PSG8: variants seen among roughly 807,000 people sequenced by gnomAD.
PSG8 encodes pregnancy specific beta-1-glycoprotein 8, also known as pregnancy-specific beta-1-glycoprotein 8.
Under a neutral mutation model 42.5 loss-of-function variants are expected in PSG8, and 57 were observed. That is an observed-to-expected ratio of 1.34 (90% CI 1.08 to 1.67). PSG8 has a LOEUF of 1.67. PSG8 is among the 40% of genes most tolerant of loss of function. The pLI, the probability that PSG8 is intolerant of heterozygous loss-of-function variation, is 0.00. For missense variants in PSG8, 783 were observed against 518.6 expected, an observed-to-expected ratio of 1.51 and a Z score of -4.95; for synonymous variants, 280 against 196.8, an observed-to-expected ratio of 1.42 and a Z score of -3.54.
At chr19:42,761,785 A>G (rs1007352615) in intron 2 of PSG8, among the ~76,000 whole-genome samples, 1 of 149,772 alleles carries the variant, frequency 6.7e-6, no homozygotes, top group Non-Finnish European at 1.5e-5. Flanking sequence ...TGGAGTCGTT[A>G]AAATCTTTCT....
chr19:42,762,682 G>T (rs1355740553), intron 2 of PSG8, among the ~76,000 whole-genome samples: 1 of 151,992 alleles, frequency 6.6e-6, no homozygotes. Context: ...CAGGATTTCA[G>T]GTTCAGTGAT....
At position 42,765,655 on chromosome 19, in the gene PSG8, A is replaced by G. The variant is rs1483488689; in HGVS notation, c.-74T>C. The G allele has an allele frequency of 7.0e-6, 11 of 1,575,842 alleles. No homozygotes were observed. Among genetic ancestry groups the G allele is most frequent in the African/African-American group, 2.8e-5 (2 of 72,222 alleles). ...CAGAAGCTTCCTGAGCACAGCTCTC[A>G]GCAGTGCTGTCCTGCCTCCTTCTGC... On this transcript the variant is annotated 5_prime_UTR_variant, in exon 1 of 5. Transcript: ENST00000306511.
At chr19:42,753,275 C>T (rs371523500), downstream of PSG8, 100 of 779,598 alleles carry the variant, frequency 1.3e-4, 1 homozygote, top group Non-Finnish European at 2.1e-4. Flanking sequence ...TTGTCCACCT[C>T]CAGCTTATAG....
intron 2 of PSG8, among the ~76,000 whole-genome samples, chr19:42,762,746 T>C (rs533364649): frequency 5.2e-4 from 79 of 152,234 alleles, no homozygotes; most frequent in African/African-American, 1.6e-3. Context: ...CTGACTCTGA[T>C]GGTTGAGGCA....
rs1342948882 is a variant in PSG8, at chr19:42,754,312, A to T, written c.1264T>A (p.Leu422Met). ...KVSGKRIPVS[L>M]AIGI Reference sequence around the variant, plus strand: ...GACTCCACCTAAATCCCTATTGCCAAGGATACTGGGATCCGCTTACCAGAG... The same window carrying T: ...GACTCCACCTAAATCCCTATTGCCATGGATACTGGGATCCGCTTACCAGAG... The change falls in exon 5 of 5, where the codon TTG (leucine) becomes ATG (methionine). Residue 422 changes from leucine to methionine, a missense_variant. Coordinates refer to ENST00000306511, the MANE Select transcript of PSG8 (RefSeq NM_182707.3). The T allele has an allele frequency of 1.9e-6, 3 of 1,613,532 alleles. No individual in the cohort carries two copies. The highest frequency in any genetic ancestry group is 1.7e-6 in the Non-Finnish European group (2 of 1,179,728).
intron 3 of PSG8, among the ~76,000 whole-genome samples, chr19:42,756,886 A>T (rs1271891236): frequency 1.3e-5 from 2 of 151,514 alleles, no homozygotes; most frequent in Non-Finnish European, 2.9e-5. Flanking sequence ...TGTTACTGGG[A>T]TTCTGTTAGG....
rs1449691728 is a variant in PSG8, at chr19:42,758,236, T to C, written c.475A>G (p.Arg159Gly). Reference sequence around the variant, plus strand: ...AAGCTCACAGCCTCCATGGCCTCCCTGGGGTTTAATTTGCTGCTGGAGATG... The same window carrying C: ...AAGCTCACAGCCTCCATGGCCTCCCCGGGGTTTAATTTGCTGCTGGAGATG... Reference protein sequence around the residue: ...PSISSSKLNPREAMEAVSLTC... With the variant: ...PSISSSKLNPGEAMEAVSLTC... The change falls in exon 3 of 5, where the codon AGG becomes GGG. Residue 159 changes from arginine (R) to glycine (G), a missense_variant. Transcript: ENST00000306511. The C allele has an allele frequency of 3.1e-6, 5 of 1,614,020 alleles. No individual in the cohort carries two copies. Among genetic ancestry groups the C allele is most frequent in the East Asian group, 2.2e-5 (1 of 44,886 alleles).
chr19:42,754,237 G>T lies in PSG8; in HGVS notation c.*58C>A, dbSNP rs184774147. 1.3e-6 allele frequency: 2 copies of T among 1,591,962 alleles called. No homozygotes were observed. The highest frequency in any genetic ancestry group is 2.7e-5 in the African/African-American group (2 of 74,278). ...TGGGATTTGCTTGTGCCCATGGGAC[G>T]CAGGCTGGGAATAAAAATGTTTTCC... On this transcript the variant is annotated 3_prime_UTR_variant, in exon 5 of 5. Transcript: ENST00000306511.
chr19:42,764,317 G>GACCAACA (rs779253860), intron 1 of PSG8, 36 bp from the exon 2 acceptor site: 3 of 1,592,216 alleles, frequency 1.9e-6, no homozygotes, highest in Non-Finnish European at 2.6e-6. Context: ...AATATTGAGA[G>GACCAACA]CTATGTATTG....
chr19:42,762,470 A>C (rs28452845), intron 2 of PSG8, among the ~76,000 whole-genome samples: 26,788 of 151,430 alleles, frequency 0.18, 4,052 homozygotes, highest in African/African-American at 0.41. Flanking sequence ...GTGGCTAGAA[A>C]CTCCTAGGAT....
At chr19:42,757,518 G>T (rs1211605641) in intron 3 of PSG8, among the ~76,000 whole-genome samples, 2 of 152,118 alleles carry the variant, frequency 1.3e-5, no homozygotes, top group African/African-American at 4.8e-5. Context: ...GTGAGAGTCT[G>T]TGAGGCAGGA....
chr19:42,755,420 G>C (rs1238965587), intron 3 of PSG8, 154 bp from the exon 4 acceptor site: 3 of 1,409,260 alleles, frequency 2.1e-6, no homozygotes, highest in African/African-American at 1.4e-5. Context: ...GATGCATGAT[G>C]ATCTAAGGGC....
chr19:42,754,884 T>G, intron 4 of PSG8, 104 bp downstream of exon 4: 2 of 1,562,282 alleles, frequency 1.3e-6, no homozygotes, highest in East Asian at 4.5e-5. Context: ...TGTCCAGAAG[T>G]GAAGGTGTCT....
At chr19:42,761,133 T>G (rs1970062653) in intron 2 of PSG8, among the ~76,000 whole-genome samples, 1 of 152,076 alleles carries the variant, frequency 6.6e-6, no homozygotes, top group Non-Finnish European at 1.5e-5. Flanking sequence ...ATTACAACAG[T>G]GACAGGAAAC....
chr19:42,765,605 C>A lies in PSG8; in HGVS notation c.-24G>T, dbSNP rs375994401. The A allele has an allele frequency of 3.7e-6, 6 of 1,608,260 alleles. No homozygotes were observed. In the South Asian group the frequency reaches 5.5e-5, roughly 15 times the overall value. On this transcript the variant is annotated 5_prime_UTR_variant, in exon 1 of 5. Transcript: ENST00000306511. ...ATGGTCTCTGCTGTCTGTGTGTTCT[C>A]CTCTGTGGAGATGAGCCTAGGATCC...
chr19:42,765,140 C>A (rs1303199398), intron 1 of PSG8, among the ~76,000 whole-genome samples: 1 of 149,648 alleles, frequency 6.7e-6, no homozygotes, highest in East Asian at 1.9e-4. Context: ...GCCTTCTTTC[C>A]TTTTTCTCTT....
At chr19:42,762,733 C>G (rs758209588) in intron 2 of PSG8, among the ~76,000 whole-genome samples, 5 of 152,042 alleles carry the variant, frequency 3.3e-5, no homozygotes, top group South Asian at 2.1e-4. Flanking sequence ...CATGTTTTTT[C>G]CACTGACTCT....
intron 1 of PSG8, among the ~76,000 whole-genome samples, chr19:42,764,664 C>T (rs1036683101): frequency 1.4e-4 from 22 of 152,074 alleles, no homozygotes; most frequent in Admixed American, 5.2e-4. Context: ...CTGGGTCTTC[C>T]CTTTCTGACC....
intron 2 of PSG8, among the ~76,000 whole-genome samples, chr19:42,763,280 T>G (rs996866845): frequency 2.0e-5 from 3 of 152,272 alleles, no homozygotes; most frequent in Middle Eastern, 3.4e-3. Flanking sequence ...AAGGCAGTTG[T>G]CTGATGGCCT....
Sources: gnomAD v4.1 joint callset for allele counts (sites outside exome capture counted in the v4.1 genomes callset) on GRCh38, gnomAD v4.1.1 for gene constraint, MANE v1.5 for transcripts, NCBI Gene and HGNC (gene_info 2026-07-23, HGNC 2026-07-21) for gene names.